The following CTNND2 variants were observed in gnomAD, a reference collection of about 807,000 sequenced individuals.
The protein encoded by CTNND2 is catenin delta-2.
In CTNND2, 22 loss-of-function variants were observed where a neutral mutation model predicts 144.4. That is an observed-to-expected ratio of 0.15 (90% CI 0.11 to 0.22). CTNND2 has a LOEUF of 0.22. CTNND2 is among the 10% of genes least tolerant of loss of function. The pLI is 1.00. For missense variants in CTNND2, 1,353 were observed against 1,618.8 expected, an observed-to-expected ratio of 0.84 and a Z score of 2.82; for synonymous variants, 751 against 695.6, an observed-to-expected ratio of 1.08 and a Z score of -1.25.
At chr5:11,845,804 G>A (rs2126992838) in intron 1 of CTNND2, among the ~76,000 whole-genome samples, 1 of 152,238 alleles carries the variant, frequency 6.6e-6, no homozygotes, top group Middle Eastern at 3.4e-3. Context: ...AAGATATCAA[G>A]GCTAAGAAAG....
chr5:11,473,072 A>AAAAG (rs749374882), intron 3 of CTNND2, among the ~76,000 whole-genome samples: 3 of 152,184 alleles, frequency 2.0e-5, no homozygotes, highest in Non-Finnish European at 2.9e-5. Context: ...TCTGCCTCAA[A>AAAAG]AAAGAAAGAA....
chr5:10,985,750 G>T (rs1002733764), intron 20 of CTNND2, among the ~76,000 whole-genome samples: 5 of 152,194 alleles, frequency 3.3e-5, no homozygotes, highest in African/African-American at 1.2e-4. Context: ...ATCTGATTTT[G>T]CAAGTAAACC....
At chr5:11,081,072 T>TCTCA (rs914558936) in intron 16 of CTNND2, among the ~76,000 whole-genome samples, 7 of 144,980 alleles carry the variant, frequency 4.8e-5, no homozygotes, top group African/African-American at 1.5e-4. Flanking sequence ...TGAGACCCTG[T>TCTCA]CACACACACA....
chr5:11,055,714 G>A (rs1483102297), intron 16 of CTNND2, among the ~76,000 whole-genome samples: 1 of 152,212 alleles, frequency 6.6e-6, no homozygotes, highest in Non-Finnish European at 1.5e-5. Flanking sequence ...GCTATCTAAA[G>A]TAGCCAGTGC....
chr5:11,641,620 G>A (rs6887630), intron 2 of CTNND2, among the ~76,000 whole-genome samples: 2 of 138,102 alleles, frequency 1.4e-5, no homozygotes, highest in Non-Finnish European at 3.0e-5. Flanking sequence ...ATACGTGTGT[G>A]TATACATATA....
chr5:11,663,658 C>T (rs1350362997), intron 2 of CTNND2, among the ~76,000 whole-genome samples: 2 of 152,054 alleles, frequency 1.3e-5, no homozygotes, highest in Non-Finnish European at 2.9e-5. Context: ...TAAAGCCAAA[C>T]TTTAAACTTG....
chr5:11,164,633 G>A (rs988225177), intron 11 of CTNND2, among the ~76,000 whole-genome samples: 2 of 152,140 alleles, frequency 1.3e-5, no homozygotes, highest in Non-Finnish European at 2.9e-5. Flanking sequence ...AAGCTCCTTT[G>A]TGTCGCAGAT....
At chr5:11,853,978 G>A (rs1490942930) in intron 1 of CTNND2, among the ~76,000 whole-genome samples, 1 of 152,196 alleles carries the variant, frequency 6.6e-6, no homozygotes, top group Non-Finnish European at 1.5e-5. Context: ...ACTGATCCAA[G>A]TCTATGTCAG....
At chr5:11,031,907 T>C (rs796618083) in intron 16 of CTNND2, among the ~76,000 whole-genome samples, 2 of 152,364 alleles carry the variant, frequency 1.3e-5, no homozygotes, top group African/African-American at 4.8e-5. Flanking sequence ...GCTGCACTGT[T>C]GTCCTTCCCT....
intron 21 of CTNND2, among the ~76,000 whole-genome samples, chr5:10,977,953 T>A (rs559992540): frequency 6.6e-6 from 1 of 152,312 alleles, no homozygotes; most frequent in South Asian, 2.1e-4. Context: ...CTTTCTCAGC[T>A]CTCACTGTCT....
chr5:11,330,410 G>C (rs552944753), intron 9 of CTNND2, among the ~76,000 whole-genome samples: 2 of 143,928 alleles, frequency 1.4e-5, no homozygotes, highest in Admixed American at 7.1e-5. Context: ...CATGAACCTG[G>C]GAGGTGGAGC....
chr5:11,779,248 T>A (rs1424871454), intron 1 of CTNND2, among the ~76,000 whole-genome samples: 1 of 152,246 alleles, frequency 6.6e-6, no homozygotes, highest in East Asian at 1.9e-4. Flanking sequence ...TTTTAATGTT[T>A]TCTCACACAC....
intron 2 of CTNND2, among the ~76,000 whole-genome samples, chr5:11,642,579 G>A (rs994433925): frequency 5.3e-5 from 8 of 152,166 alleles, no homozygotes; most frequent in Admixed American, 1.3e-4. Context: ...TGGTCAAAGT[G>A]AGTTGAGGGT....
chr5:11,022,664 A>G, intron 17 of CTNND2, 105 bp downstream of exon 17: 1 of 836,814 alleles, frequency 1.2e-6, no homozygotes, highest in South Asian at 1.5e-5. Flanking sequence ...TCAGAGACAA[A>G]TGCTTTCCAG....
Position 11,182,505 on chromosome 5 carries a change from C to A in CTNND2, c.1975+16943G>T, listed in dbSNP as rs75960285. Among the ~76,000 whole-genome samples, 306 of 152,178 alleles carry A rather than the reference C, an allele frequency of 2.0e-3. 1 individual carries two copies. The highest frequency in any genetic ancestry group is 6.9e-3 in the African/African-American group (286 of 41,508). ...CTCAACTTCAACCTCTCTCTTCCCC[C>A]ATCCATGTCTAGGTAGCTTTTCCAC... On this transcript the variant is annotated intron_variant, in intron 11 of 21. Transcript: ENST00000304623.
intron 1 of CTNND2, among the ~76,000 whole-genome samples, chr5:11,888,553 G>A (rs1674231683): frequency 6.6e-6 from 1 of 152,090 alleles, no homozygotes; most frequent in African/African-American, 2.4e-5. Context: ...GAATTTCAGG[G>A]GGAAGAAAGG....
rs1232417937 is a variant in CTNND2 at position 11,399,603 on chromosome 5, G to T, written c.440-2400C>A. 3.9e-5 allele frequency among the ~76,000 whole-genome samples: 6 copies of T among 152,102 alleles called. No individual in the cohort carries two copies. In the South Asian group the frequency reaches 1.0e-3, roughly 26 times the overall value. On this transcript the variant is annotated intron_variant, in intron 5 of 21. Transcript: ENST00000304623. Reference sequence around the variant, plus strand: ...CAAAAGAATTTAAATTAAAAATGTGGTTTACTTGCTCCCAGAATATATATG... The same window carrying T: ...CAAAAGAATTTAAATTAAAAATGTGTTTTACTTGCTCCCAGAATATATATG...
chr5:11,384,836 T>TG lies in CTNND2; in HGVS notation c.1005dup (p.Thr336HisfsTer90). On this transcript the variant is annotated frameshift_variant, in exon 7 of 22. Transcript: ENST00000304623. LOFTEE classifies it high-confidence loss of function. This position sits in a 1 kb window ranked among gnomAD's most constrained non-coding sequence, Gnocchi z 5.2. The stretch of plus-strand genomic sequence containing the variant: ...GAGGAGGAGATGGTGGACTGCACGG[T>TG]GGGGGGCGAGGTCACGCGGATCGGG... 6.2e-7 allele frequency: 1 copy of TG among 1,612,470 alleles called. No individual in the cohort carries two copies. The highest frequency in any genetic ancestry group is 8.5e-7 in the Non-Finnish European group (1 of 1,179,544).
At chr5:11,322,606 T>C (rs1752144715) in intron 9 of CTNND2, among the ~76,000 whole-genome samples, 1 of 152,210 alleles carries the variant, frequency 6.6e-6, no homozygotes, top group Non-Finnish European at 1.5e-5. Flanking sequence ...ATATTTTGAG[T>C]GGCTTCTTGG....
Sources: allele counts gnomAD v4.1 joint callset (sites outside exome capture counted in the v4.1 genomes callset), GRCh38; gene constraint gnomAD v4.1.1; non-coding constraint Gnocchi (gnomAD v3.1); transcripts MANE v1.5; gene names NCBI Gene and HGNC (gene_info 2026-07-23, HGNC 2026-07-21).